Variants in WWOX observed in about 807,000 individuals in gnomAD.
The protein encoded by WWOX is WW domain containing oxidoreductase, also known as WW domain-containing oxidoreductase.
WWOX carries 69 observed loss-of-function variants against 46.2 expected under a neutral mutation model. The observed-to-expected ratio is 1.49, with a 90% CI of 1.23 to 1.82. The LOEUF is 1.82. Ranked by LOEUF, WWOX falls within the 40% of genes most tolerant of loss-of-function variation. The pLI, the probability that WWOX is intolerant of heterozygous loss-of-function variation, is 0.00. For synonymous variants in WWOX, 359 were observed against 202.6 expected, an observed-to-expected ratio of 1.77 and a Z score of -6.56; for missense variants, 919 against 542.6, an observed-to-expected ratio of 1.69 and a Z score of -6.89.
In WWOX at chr16:78,674,623, A is replaced by G. The variant is rs112637560; in HGVS notation, c.1056+241871A>G. Among the ~76,000 whole-genome samples the G allele has an allele frequency of 6.9e-3, 1,049 of 152,066 alleles. 13 individuals are homozygous for G. Among genetic ancestry groups the G allele is most frequent in the African/African-American group, 0.024 (995 of 41,472 alleles). ...TTACTCTTATTATTTTCTCCTAACC[A>G]CTAGGTTCCACACTTCTGGCCACCT... On this transcript the variant is annotated intron_variant, in intron 8 of 8. Transcript: ENST00000566780.
chr16:78,457,355 T>G (rs2083843964), intron 8 of WWOX, among the ~76,000 whole-genome samples: 1 of 152,200 alleles, frequency 6.6e-6, no homozygotes, highest in African/African-American at 2.4e-5. Flanking sequence ...CTTGGTTCCT[T>G]CAAAGTAATG....
At chr16:79,018,203 AT>A (rs2047456226) in intron 8 of WWOX, among the ~76,000 whole-genome samples, 1 of 152,160 alleles carries the variant, frequency 6.6e-6, no homozygotes, top group Non-Finnish European at 1.5e-5. Context: ...GTCCCTAGTT[AT>A]TTTGCCTTTA....
intron 8 of WWOX, among the ~76,000 whole-genome samples, chr16:79,120,207 G>A (rs1013257830): frequency 6.6e-6 from 1 of 152,166 alleles, no homozygotes; most frequent in Non-Finnish European, 1.5e-5. Flanking sequence ...GTTCCTCATA[G>A]ACAGGGAATG....
At chr16:78,518,954 A>G (rs1304355740) in intron 8 of WWOX, among the ~76,000 whole-genome samples, 1 of 152,246 alleles carries the variant, frequency 6.6e-6, no homozygotes, top group Non-Finnish European at 1.5e-5. Flanking sequence ...AAGGCAGCTT[A>G]CAGAAAAAAA....
chr16:79,102,488 G>T (rs541747716), intron 8 of WWOX, among the ~76,000 whole-genome samples: 6 of 152,160 alleles, frequency 3.9e-5, no homozygotes, highest in Non-Finnish European at 8.8e-5. Context: ...GCTGTCTGTC[G>T]CATTTACCAA....
intron 8 of WWOX, among the ~76,000 whole-genome samples, chr16:78,975,137 A>G (rs2046545850): frequency 6.6e-6 from 1 of 152,214 alleles, no homozygotes; most frequent in Admixed American, 6.5e-5. Flanking sequence ...AAGATACTCC[A>G]GTCCTTAAAA....
chr16:79,089,567 T>G (rs1222159374), intron 8 of WWOX, among the ~76,000 whole-genome samples: 1 of 152,102 alleles, frequency 6.6e-6, no homozygotes, highest in Non-Finnish European at 1.5e-5. Flanking sequence ...CCTGACCTCA[T>G]GATCTGCCCG....
intron 1 of WWOX, among the ~76,000 whole-genome samples, chr16:78,104,386 C>T (rs1216138813): frequency 1.3e-5 from 2 of 152,054 alleles, no homozygotes; most frequent in Non-Finnish European, 2.9e-5. Flanking sequence ...CACCCATAGG[C>T]TGGCCATGGT....
chr16:78,897,058 C>T (rs72804739), intron 8 of WWOX: 49,292 of 148,234 alleles, frequency 0.33, 8,439 homozygotes, highest in African/African-American at 0.37. Context: ...TGAAACCCCG[C>T]CTCCACTAAA....
Position 78,192,896 on chromosome 16 carries a change from C to T in WWOX, c.516+28607C>T, listed in dbSNP as rs117113187. Among the ~76,000 whole-genome samples the T allele has an allele frequency of 6.8e-3, 1,037 of 152,290 alleles. 7 individuals are homozygous for T. The highest frequency in any genetic ancestry group is 0.021 in the East Asian group (108 of 5,182). ...TTTCTCAGTCGATTGACAAGGATGG[C>T]GTATTGGCCACCTTTTGCCGCAGTA... On this transcript the variant is annotated intron_variant, in intron 5 of 8. Coordinates refer to ENST00000566780, the MANE Select transcript of WWOX (RefSeq NM_016373.4).
At chr16:78,460,770 T>A (rs1487981367) in intron 8 of WWOX, among the ~76,000 whole-genome samples, 2 of 152,250 alleles carry the variant, frequency 1.3e-5, no homozygotes, top group Admixed American at 6.5e-5. Context: ...GATGGAGTGA[T>A]CTTTACGCCA....
chr16:78,108,058 A>G (rs1477205930), intron 1 of WWOX, among the ~76,000 whole-genome samples: 1 of 151,648 alleles, frequency 6.6e-6, no homozygotes, highest in East Asian at 1.9e-4. Flanking sequence ...CCTCCCGAGT[A>G]GCTGGGACTA....
intron 5 of WWOX, among the ~76,000 whole-genome samples, chr16:78,201,370 C>T (rs545491615): frequency 1.3e-5 from 2 of 152,030 alleles, no homozygotes; most frequent in African/African-American, 2.4e-5. Context: ...GAGGCATGAC[C>T]GGAAGGTATT....
intron 8 of WWOX, among the ~76,000 whole-genome samples, chr16:78,870,622 G>A (rs1293758739): frequency 3.3e-5 from 5 of 151,720 alleles, no homozygotes; most frequent in Non-Finnish European, 7.4e-5. Flanking sequence ...CTTTTTTGGA[G>A]ACGGAATCTC....
In WWOX at chr16:78,527,991, C is replaced by CTTTTTTTT. The variant is rs71140808; in HGVS notation, c.1056+95257_1056+95264dup. Among the ~76,000 whole-genome samples, 255 of 34,870 alleles carry CTTTTTTTT rather than the reference C, an allele frequency of 7.3e-3. 42 individuals are homozygous for CTTTTTTTT. Among genetic ancestry groups the CTTTTTTTT allele is most frequent in the African/African-American group, 0.015 (148 of 9,820 alleles). 22.9% of individuals were successfully genotyped at this position (34,870 alleles called of 152,430 possible). A position where few individuals can be genotyped will look rare whatever the true frequency, so the allele number is the denominator to read the frequency against. On this transcript the variant is annotated intron_variant, in intron 8 of 8. Coordinates refer to ENST00000566780, the MANE Select transcript of WWOX (RefSeq NM_016373.4). ...CTATGTCACAGGACTGGTACATGTC[C>CTTTTTTTT]TTTTTTTTTTTTTTTTTTTTTTTTT...
At chr16:78,509,784 C>A (rs535054226) in intron 8 of WWOX, among the ~76,000 whole-genome samples, 1 of 152,204 alleles carries the variant, frequency 6.6e-6, no homozygotes, top group South Asian at 2.1e-4. Flanking sequence ...GCCTATAAAC[C>A]ATTACATTAT....
chr16:78,668,026 C>G (rs764768028), intron 8 of WWOX, among the ~76,000 whole-genome samples: 1 of 152,182 alleles, frequency 6.6e-6, no homozygotes, highest in Non-Finnish European at 1.5e-5. Flanking sequence ...CACCTGTAAT[C>G]TTAGCATTTT....
At chr16:78,843,777 G>C (rs879753255) in intron 8 of WWOX, among the ~76,000 whole-genome samples, 2 of 152,126 alleles carry the variant, frequency 1.3e-5, no homozygotes, top group Non-Finnish European at 2.9e-5. Flanking sequence ...AGAGCCAAAA[G>C]CAATTTATTA....
intron 5 of WWOX, among the ~76,000 whole-genome samples, chr16:78,316,786 A>T (rs540478180): frequency 4.6e-5 from 7 of 152,340 alleles, no homozygotes; most frequent in African/African-American, 1.7e-4. Context: ...GTTCCATCAC[A>T]GAGGGTAGAC....
Sources: gnomAD v4.1 joint callset for allele counts (sites outside exome capture counted in the v4.1 genomes callset) on GRCh38, gnomAD v4.1.1 for gene constraint, MANE v1.5 for transcripts, NCBI Gene and HGNC (gene_info 2026-07-23, HGNC 2026-07-21) for gene names.